Variants in UBE2E3 observed in about 807,000 individuals in gnomAD.
The protein encoded by UBE2E3 is ubiquitin conjugating enzyme E2 E3.
In UBE2E3, 5 loss-of-function variants were observed where a neutral mutation model predicts 23.6. That is an observed-to-expected ratio of 0.21 (90% confidence interval 0.11 to 0.44). The LOEUF (loss-of-function observed/expected upper bound fraction) is 0.44, where lower values mean the gene tolerates loss of function less well. UBE2E3 is among the 20% of genes least tolerant of loss of function. The pLI, the probability that UBE2E3 is intolerant of heterozygous loss-of-function variation, is 0.99. For missense variants in UBE2E3, 81 were observed against 249.8 expected (o/e 0.32, Z 4.55); for synonymous variants, 78 against 87.5 (o/e 0.89, Z 0.60).
intron 3 of UBE2E3, among the ~76,000 whole-genome samples, chr2:181,015,910 C>T (rs1018201793): frequency 1.3e-5 from 2 of 151,924 alleles, no homozygotes; most frequent in Non-Finnish European, 2.9e-5. Context: ...AAACTGGGTA[C>T]TCTTCTCACC....
At chr2:180,993,341 T>C (rs1465636786) in intron 3 of UBE2E3, among the ~76,000 whole-genome samples, 1 of 152,048 alleles carries the variant, frequency 6.6e-6, no homozygotes, top group Non-Finnish European at 1.5e-5. Context: ...AGTCTGCCTT[T>C]TTTGGAAGCT....
At chr2:180,990,602 C>T (rs1684627891) in intron 3 of UBE2E3, among the ~76,000 whole-genome samples, 1 of 152,168 alleles carries the variant, frequency 6.6e-6, no homozygotes, top group African/African-American at 2.4e-5. Flanking sequence ...TGAGTACTTG[C>T]TAAATTATGG....
intron 3 of UBE2E3, among the ~76,000 whole-genome samples, chr2:181,041,234 CAAAAAAAA>C (rs1206207155): frequency 1.3e-5 from 1 of 77,196 alleles, no homozygotes; most frequent in Non-Finnish European, 2.4e-5. Context: ...GACTCCGTCT[CAAAAAAAA>C]AAAAAAAAAA....
chr2:181,042,098 T>A (rs954739623), intron 3 of UBE2E3, among the ~76,000 whole-genome samples: 1 of 152,234 alleles, frequency 6.6e-6, no homozygotes, highest in Admixed American at 6.5e-5. Context: ...TCCACTAATG[T>A]CCTTTTTGTT....
intron 3 of UBE2E3, among the ~76,000 whole-genome samples, chr2:180,984,615 A>G (rs1278748721): frequency 1.3e-5 from 2 of 152,180 alleles, no homozygotes; most frequent in African/African-American, 2.4e-5. Context: ...TACAGAATGC[A>G]TTGTTGGAAT....
intron 3 of UBE2E3, among the ~76,000 whole-genome samples, chr2:180,985,852 T>C (rs1208041802): frequency 6.6e-6 from 1 of 152,094 alleles, no homozygotes; most frequent in African/African-American, 2.4e-5. Context: ...TGCATAAATC[T>C]AGAGAGCCTA....
Position 180,984,083 on chromosome 2 carries a change from C to G in UBE2E3, c.235C>G (p.Pro79Ala). The G allele has an allele frequency of 6.2e-7, 1 of 1,611,000 alleles. No homozygotes were observed. ...ELAEITLDPP[P>A]NCSAGPKGDN... ...AGCTGAAATAACCCTTGATCCTCCT[C>G]CTAATTGCAGGTAAGAAATGAATTT... Residue 79 changes from proline to alanine, a missense_variant, in exon 3 of 6, where the codon CCT (proline) becomes GCT (alanine). Physicochemically the swap from Pro to Ala is conservative, Grantham distance 27. Transcript: ENST00000410062.
At chr2:181,004,967 A>T (rs989927751) in intron 3 of UBE2E3, among the ~76,000 whole-genome samples, 4 of 152,252 alleles carry the variant, frequency 2.6e-5, no homozygotes, top group African/African-American at 9.6e-5. Context: ...ATTTGCATAT[A>T]CTTGCATACT....
chr2:181,029,525 G>GTT (rs1269819925), intron 3 of UBE2E3, among the ~76,000 whole-genome samples: 2 of 151,906 alleles, frequency 1.3e-5, no homozygotes, highest in East Asian at 3.9e-4. Context: ...ATTTCTAGGA[G>GTT]TTTAATATTT....
At chr2:181,062,665 G>T (rs1446330622) in intron 5 of UBE2E3, 126 bp from the exon 6 acceptor site, 2 of 419,628 alleles carry the variant, frequency 4.8e-6, no homozygotes, top group Non-Finnish European at 8.6e-6. Context: ...TTTTTCTTTT[G>T]AAAATTTAGC....
In UBE2E3 at chr2:181,024,361, C is replaced by A. The variant is rs150539782; in HGVS notation, c.246-33332C>A. ...ATTCTACCATCCTATTATCCACTCA[C>A]CTTGTACAAAAACAAAATCCAGAAA... On this transcript the variant is annotated intron_variant, in intron 3 of 5. Transcript: ENST00000410062. Among the ~76,000 whole-genome samples, 24 of 152,190 alleles carry A rather than the reference C, an allele frequency of 1.6e-4. No individual in the cohort carries two copies. In the East Asian group the frequency reaches 4.6e-3, roughly 29 times the overall value.
At chr2:180,990,427 A>C (rs908483115) in intron 3 of UBE2E3, among the ~76,000 whole-genome samples, 1 of 152,108 alleles carries the variant, frequency 6.6e-6, no homozygotes, top group African/African-American at 2.4e-5. Flanking sequence ...TTTGCTTTTG[A>C]CTGTTTTCCT....
At chr2:181,043,860 A>G (rs78590414) in intron 3 of UBE2E3, among the ~76,000 whole-genome samples, 6,274 of 152,072 alleles carry the variant, frequency 0.041, 244 homozygotes, top group African/African-American at 0.099. Context: ...AAAATCTTCA[A>G]TTTTTTTCAG....
intron 3 of UBE2E3, among the ~76,000 whole-genome samples, chr2:181,012,704 A>T (rs1290935451): frequency 6.6e-6 from 1 of 152,146 alleles, no homozygotes; most frequent in Non-Finnish European, 1.5e-5. Flanking sequence ...CCATATCCCT[A>T]GTTGTTAGTT....
chr2:181,052,066 G>T (rs1559135706), intron 3 of UBE2E3, among the ~76,000 whole-genome samples: 1 of 151,494 alleles, frequency 6.6e-6, no homozygotes, highest in Non-Finnish European at 1.5e-5. Context: ...CTGAATCATT[G>T]TGAAGTGTCT....
intron 3 of UBE2E3, among the ~76,000 whole-genome samples, chr2:180,985,348 T>G (rs1684425974): frequency 6.6e-6 from 1 of 152,128 alleles, no homozygotes; most frequent in African/African-American, 2.4e-5. Flanking sequence ...AAATGAGATG[T>G]GCTATAAGGG....
chr2:181,057,090 A>G (rs749935016), intron 3 of UBE2E3, among the ~76,000 whole-genome samples: 33 of 151,852 alleles, frequency 2.2e-4, no homozygotes, highest in Admixed American at 6.6e-4. Flanking sequence ...AGAAAGGCGG[A>G]AAGGACCCAT....
At chr2:180,989,871 T>G (rs1227463573) in intron 3 of UBE2E3, 2 of 1,542,964 alleles carry the variant, frequency 1.3e-6, no homozygotes, top group Non-Finnish European at 1.8e-6. Context: ...ATGGATATGT[T>G]TACTTTTCAG....
At chr2:180,996,094 A>G (rs114544341) in intron 3 of UBE2E3, among the ~76,000 whole-genome samples, 1,624 of 152,184 alleles carry the variant, frequency 0.011, 32 homozygotes, top group African/African-American at 0.037. Flanking sequence ...TATCATCTTT[A>G]TAGAATTTCT....
Sources: gnomAD v4.1 joint callset for allele counts (sites outside exome capture counted in the v4.1 genomes callset) on GRCh38, gnomAD v4.1.1 for gene constraint, MANE v1.5 for transcripts, NCBI Gene and HGNC (gene_info 2026-07-23, HGNC 2026-07-21) for gene names.